Variants in STOML2 observed in about 807,000 individuals in gnomAD.
STOML2 encodes stomatin-like protein 2, mitochondrial.
A neutral mutation model predicts 45.7 loss-of-function variants in STOML2; 22 were observed. The observed-to-expected ratio is 0.48, with a 90% CI of 0.34 to 0.69. STOML2 has a LOEUF of 0.69. Among genes scored for constraint, STOML2 ranks in the 30% least tolerant of loss-of-function variants. The pLI is 0.01. For missense variants in STOML2, 359 were observed against 466.9 expected, an observed-to-expected ratio of 0.77 and a Z score of 2.13; for synonymous variants, 181 against 182.7, an observed-to-expected ratio of 0.99 and a Z score of 0.08.
intron 9 of STOML2, 119 bp downstream of exon 9, chr9:35,100,479 G>A: frequency 2.2e-6 from 3 of 1,365,884 alleles, no homozygotes; most frequent in Non-Finnish European, 3.1e-6. Flanking sequence ...AATGAAGGGA[G>A]GTCTAGGGCC....
rs1171730068 is a variant in STOML2, at chr9:35,100,008, C to T, written c.*27G>A. On this transcript the variant is annotated 3_prime_UTR_variant, in exon 10 of 10. Coordinates refer to ENST00000356493, the MANE Select transcript of STOML2 (RefSeq NM_013442.3). ...TCAGGAAAATCTGCTTCCTTGTTCC[C>T]AGACTCCCTGGCCAAGCCCAGCTCC... 1.2e-6 allele frequency: 2 copies of T among 1,604,334 alleles called. No homozygotes were observed. Among genetic ancestry groups the T allele is most frequent in the Non-Finnish European group, 1.7e-6 (2 of 1,172,394 alleles).
At position 35,102,139 on chromosome 9, in the gene STOML2, T is replaced by A; in HGVS notation, c.239A>T (p.Lys80Met). The A allele has an allele frequency of 6.2e-7, 1 of 1,613,776 alleles. No individual in the cohort carries two copies. The highest frequency in any genetic ancestry group is 1.1e-5 in the South Asian group (1 of 91,056). Residue 80 changes from lysine to methionine, a missense_variant, in exon 3 of 10, where the codon AAG (lysine) becomes ATG (methionine). This residue lies in a region of STOML2 where 285 missense variants were observed against 422.0 expected (regional missense o/e 0.68). Transcript: ENST00000356493. The surrounding 1 kb of genome is among the most constrained non-coding windows in gnomAD (Gnocchi z 4.8). Reference protein sequence around the residue: ...LDRIRYVQSLKEIVINVPEQS... With the variant: ...LDRIRYVQSLMEIVINVPEQS... ...CTCAGGCACGTTGATGACAATTTCC[T>A]TGAGACTCTGCACATATCGGATCCG... is the stretch of plus-strand genomic sequence containing the variant.
Position 35,100,013 on chromosome 9 carries a change from T to C in STOML2, c.*22A>G. ...AAAATCTGCTTCCTTGTTCCCAGACTCCCTGGCCAAGCCCAGCTCCACTAA... is the reference window on the plus strand; with the variant it reads ...AAAATCTGCTTCCTTGTTCCCAGACCCCCTGGCCAAGCCCAGCTCCACTAA... On this transcript the variant is annotated 3_prime_UTR_variant, in exon 10 of 10. Transcript: ENST00000356493. The C allele has an allele frequency of 6.2e-7, 1 of 1,608,288 alleles. No homozygotes were observed. Among genetic ancestry groups the C allele is most frequent in the Admixed American group, 1.7e-5 (1 of 59,854 alleles).
chr9:35,100,629 T>C lies in STOML2; in HGVS notation c.902A>G (p.Asn301Ser), dbSNP rs776942973. 12 of 1,613,758 alleles carry C rather than the reference T, an allele frequency of 7.4e-6. No individual in the cohort carries two copies. Among genetic ancestry groups the C allele is most frequent in the Non-Finnish European group, 9.3e-6 (11 of 1,179,958 alleles). ...KDSNTILLPS[N>S]PGDVTSMVAQ... ...CACCATGCTGGTGACATCGCCAGGGTTGGAGGGCAGTAGGATAGTGTTGGA... is the reference window on the plus strand; with the variant it reads ...CACCATGCTGGTGACATCGCCAGGGCTGGAGGGCAGTAGGATAGTGTTGGA... Residue 301 changes from asparagine to serine, a missense_variant, in exon 9 of 10, where the codon AAC (asparagine) becomes AGC (serine). Asn to Ser is a conservative substitution (Grantham distance 46). Coordinates refer to ENST00000356493, the MANE Select transcript of STOML2 (RefSeq NM_013442.3).
In STOML2 at chr9:35,101,325, T is replaced by C. The variant is rs975865661; in HGVS notation, c.580-46A>G. 7 of 1,613,614 alleles carry C rather than the reference T, an allele frequency of 4.3e-6. No individual in the cohort carries two copies. The African/African-American group carries it at 9.3e-5, about 22-fold the overall frequency. ...CAATCAACAAGCCAAGGGAGACTGA[T>C]ACAGACATGCAACTCTACCCATCAT... On this transcript the variant is annotated intron_variant, in intron 6 of 9. Coordinates refer to ENST00000356493, the MANE Select transcript of STOML2 (RefSeq NM_013442.3). The surrounding 1 kb of genome is among the most constrained non-coding windows in gnomAD (Gnocchi z 4.3).
chr9:35,102,175 G>A lies in STOML2; in HGVS notation c.203C>T (p.Pro68Leu), dbSNP rs760111495. Residue 68 changes from proline (P) to leucine (L), a missense_variant, in exon 3 of 10, where the codon CCT becomes CTT. By Grantham distance (98) the Pro-to-Leu change is moderately conservative (BLOSUM62 -3). Around this residue, in one of 2 missense-constraint regions of STOML2, gnomAD observed 285 missense variants for 422.0 expected, o/e 0.68. Transcript: ENST00000356493. This position sits in a 1 kb window ranked among gnomAD's most constrained non-coding sequence, Gnocchi z 4.8. ...ILEPGLNILI[P>L]VLDRIRYVQS... ...CACATATCGGATCCGGTCTAACACA[G>A]GGATGAGGATGTTCAAACCCTGGAA... 3 of 1,613,952 alleles carry A rather than the reference G, an allele frequency of 1.9e-6. No individual in the cohort carries two copies. The highest frequency in any genetic ancestry group is 2.5e-6 in the Non-Finnish European group (3 of 1,179,976).
Position 35,099,802 on chromosome 9 carries a change from T to C in STOML2, c.*233A>G. 2.0e-6 allele frequency: 1 copy of C among 498,328 alleles called. No homozygotes were observed. The highest frequency in any genetic ancestry group is 3.6e-6 in the Non-Finnish European group (1 of 275,752). 30.9% of individuals were successfully genotyped at this position (498,328 alleles called of 1,614,324 possible). On this transcript the variant is annotated 3_prime_UTR_variant, in exon 10 of 10. Coordinates refer to ENST00000356493, the MANE Select transcript of STOML2 (RefSeq NM_013442.3). ...GTTTCACTTTACAAGAAGTTCACTCTTATTCATGGAGGCATCATGCTGACA... is the reference window on the plus strand; with the variant it reads ...GTTTCACTTTACAAGAAGTTCACTCCTATTCATGGAGGCATCATGCTGACA...
At chr9:35,100,766 C>G in intron 8 of STOML2, 40 bp from the exon 9 acceptor site, 1 of 1,613,406 alleles carries the variant, frequency 6.2e-7, no homozygotes, top group Non-Finnish European at 8.5e-7. Flanking sequence ...ATCACCGATA[C>G]GGAGAAGAAG....
chr9:35,100,737 A>G lies in STOML2; in HGVS notation c.805-11T>C. On this transcript the variant is annotated splice_polypyrimidine_tract_variant and intron_variant, in intron 8 of 9. Transcript: ENST00000356493. ...TGCTGCATCTCCATTCTGTGATCACAGGGGGATAAAAATCAGAGATCACCG... is the reference window on the plus strand; with the variant it reads ...TGCTGCATCTCCATTCTGTGATCACGGGGGGATAAAAATCAGAGATCACCG... The G allele has an allele frequency of 3.1e-6, 5 of 1,613,458 alleles. No homozygotes were observed. Among genetic ancestry groups the G allele is most frequent in the Non-Finnish European group, 3.4e-6 (4 of 1,179,574 alleles).
At position 35,101,380 on chromosome 9, in the gene STOML2, A is replaced by G. The variant is rs775415913; in HGVS notation, c.579+46T>C. ...GGAGGGAAGTCTGGATCCTCCTGGT[A>G]CTGGAGCACCCTGAGGCCCTTTTCC... is the stretch of plus-strand genomic sequence containing the variant. On this transcript the variant is annotated intron_variant, in intron 6 of 9. Transcript: ENST00000356493. The surrounding 1 kb of genome is among the most constrained non-coding windows in gnomAD (Gnocchi z 4.3). The G allele has an allele frequency of 6.5e-7, 1 of 1,537,620 alleles. No homozygotes were observed. The highest frequency in any genetic ancestry group is 2.3e-5 in the East Asian group (1 of 43,602).
chr9:35,099,861 C>T lies in STOML2; in HGVS notation c.*174G>A, dbSNP rs1587188391. 1 of 706,342 alleles carries T rather than the reference C, an allele frequency of 1.4e-6. No individual in the cohort carries two copies. Among genetic ancestry groups the T allele is most frequent in the East Asian group, 2.7e-5 (1 of 37,330 alleles). 43.8% of individuals were successfully genotyped at this position (706,342 alleles called of 1,614,324 possible). A position where few individuals can be genotyped will look rare whatever the true frequency, so the allele number is the denominator to read the frequency against. On this transcript the variant is annotated 3_prime_UTR_variant, in exon 10 of 10. Transcript: ENST00000356493. ...TCCAAGGAAAATGCTAGTGACTTTC[C>T]CAACTTCATTCCCCAATCAAAGAGG... is the stretch of plus-strand genomic sequence containing the variant.
chr9:35,102,638 G>A lies in STOML2; in HGVS notation c.183+48C>T. On this transcript the variant is annotated intron_variant, in intron 2 of 9. Transcript: ENST00000356493. The surrounding 1 kb of genome is among the most constrained non-coding windows in gnomAD (Gnocchi z 4.8). ...GTCCTCCCGACATTGCATGTCGTGA[G>A]GGATTGGTCATCTGGCTGGCCCAGG... 6.2e-7 allele frequency: 1 copy of A among 1,604,448 alleles called. No homozygotes were observed. The highest frequency in any genetic ancestry group is 2.2e-5 in the East Asian group (1 of 44,806).
Position 35,101,631 on chromosome 9 carries a change from A to G in STOML2, c.445-71T>C. On this transcript the variant is annotated intron_variant, in intron 5 of 9. Coordinates refer to ENST00000356493, the MANE Select transcript of STOML2 (RefSeq NM_013442.3). The surrounding 1 kb of genome is among the most constrained non-coding windows in gnomAD (Gnocchi z 4.3). ...GGGCCTACACTGAGAAGGGCCTGGG[A>G]CTGATCTTGACCTTCAGAAAAGATT... 1 of 1,613,758 alleles carries G rather than the reference A, an allele frequency of 6.2e-7. No individual in the cohort carries two copies. Among genetic ancestry groups the G allele is most frequent in the Non-Finnish European group, 8.5e-7 (1 of 1,179,802 alleles).
chr9:35,100,962 A>T lies in STOML2; in HGVS notation c.774T>A (p.Ile258=), dbSNP rs779335153. The T allele has an allele frequency of 8.1e-6, 13 of 1,614,100 alleles. No homozygotes were observed. The Admixed American group carries it at 1.8e-4, about 23-fold the overall frequency. Residue 258 remains isoleucine, a synonymous_variant, in exon 8 of 10, where the codon ATT becomes ATA. Transcript: ENST00000356493. ...LAKAKAKAEA[I]RILAAALTQH... is the part of the protein sequence containing the mutation. The stretch of plus-strand genomic sequence containing the variant: ...GTGTCAGAGCTGCAGCCAGGATTCG[A>T]ATAGCTTCAGCTTTAGCCTTGGCCT...
At position 35,100,962 on chromosome 9, in the gene STOML2, A is replaced by G. The variant is rs779335153; in HGVS notation, c.774T>C (p.Ile258=). The G allele has an allele frequency of 6.2e-7, 1 of 1,614,100 alleles. No homozygotes were observed. The highest frequency in any genetic ancestry group is 1.7e-5 in the Admixed American group (1 of 60,006). Residue 258 remains isoleucine (I), a synonymous_variant, in exon 8 of 10, where the codon ATT becomes ATC. Coordinates refer to ENST00000356493, the MANE Select transcript of STOML2 (RefSeq NM_013442.3). ...LAKAKAKAEA[I]RILAAALTQH... ...GTGTCAGAGCTGCAGCCAGGATTCG[A>G]ATAGCTTCAGCTTTAGCCTTGGCCT...
chr9:35,101,972 C>T lies in STOML2; in HGVS notation c.284-10G>A. 2 of 1,614,094 alleles carry T rather than the reference C, an allele frequency of 1.2e-6. No homozygotes were observed. Among genetic ancestry groups the T allele is most frequent in the Non-Finnish European group, 1.7e-6 (2 of 1,180,018 alleles). ...TGCAGAGTTACATTGTCTGTAGAAC[C>T]AGGAGAGAAAACGGGGAAAGTCAGG... On this transcript the variant is annotated splice_polypyrimidine_tract_variant and intron_variant, in intron 3 of 9. Transcript: ENST00000356493. This position sits in a 1 kb window ranked among gnomAD's most constrained non-coding sequence, Gnocchi z 4.3.
At position 35,099,877 on chromosome 9, in the gene STOML2, A is replaced by G. The variant is rs1372097395; in HGVS notation, c.*158T>C. 2.4e-6 allele frequency: 2 copies of G among 826,524 alleles called. No individual in the cohort carries two copies. Among genetic ancestry groups the G allele is most frequent in the Non-Finnish European group, 3.7e-6 (2 of 537,170 alleles). The allele number at this position is 826,524 out of a possible 1,614,324, so 51.2% of individuals were successfully genotyped here. ...GTGACTTTCCCAACTTCATTCCCCAATCAAAGAGGACAGTTTCTGGTTTGC... is the reference window on the plus strand; with the variant it reads ...GTGACTTTCCCAACTTCATTCCCCAGTCAAAGAGGACAGTTTCTGGTTTGC... On this transcript the variant is annotated 3_prime_UTR_variant, in exon 10 of 10. Coordinates refer to ENST00000356493, the MANE Select transcript of STOML2 (RefSeq NM_013442.3).
Position 35,101,974 on chromosome 9 carries a change from GGA to G in STOML2, c.284-14_284-13del. 1 of 1,614,136 alleles carries G rather than the reference GGA, an allele frequency of 6.2e-7. No individual in the cohort carries two copies. On this transcript the variant is annotated splice_polypyrimidine_tract_variant and intron_variant, in intron 3 of 9. Coordinates refer to ENST00000356493, the MANE Select transcript of STOML2 (RefSeq NM_013442.3). The surrounding 1 kb of genome is among the most constrained non-coding windows in gnomAD (Gnocchi z 4.3). ...CAGAGTTACATTGTCTGTAGAACCA[GGA>G]GAGAAAACGGGGAAAGTCAGGCCTC...
In STOML2 at chr9:35,102,097, A is replaced by G. The variant is rs371826848; in HGVS notation, c.281T>C (p.Leu94Pro). 2 of 1,613,932 alleles carry G rather than the reference A, an allele frequency of 1.2e-6. No homozygotes were observed. The highest frequency in any genetic ancestry group is 1.7e-6 in the Non-Finnish European group (2 of 1,179,990). Residue 94 changes from leucine to proline, a missense_variant and splice_region_variant, in exon 3 of 10, where the codon CTC becomes CCC. Leu to Pro is a moderately conservative substitution (Grantham distance 98). This residue lies in a region of STOML2 where 285 missense variants were observed against 422.0 expected (regional missense o/e 0.68). Coordinates refer to ENST00000356493, the MANE Select transcript of STOML2 (RefSeq NM_013442.3). This position sits in a 1 kb window ranked among gnomAD's most constrained non-coding sequence, Gnocchi z 4.8. ...INVPEQSAVT[L>P]DNVTLQIDGV... is the part of the protein sequence containing the mutation. ...CCATGTCACCCTGAACCCCTCACCG[A>G]GAGTCACAGCCGACTGCTCAGGCAC...
Sources: allele counts gnomAD v4.1 joint callset, GRCh38; gene constraint gnomAD v4.1.1; regional missense constraint gnomAD v4.1.1; non-coding constraint Gnocchi (gnomAD v3.1); transcripts MANE v1.5; gene names NCBI Gene and HGNC (gene_info 2026-07-23, HGNC 2026-07-21).